Variants in CDYL2 observed in about 807,000 individuals in gnomAD.
CDYL2 encodes the protein chromodomain Y like 2, also known as chromodomain Y-like protein 2.
CDYL2 carries 23 observed loss-of-function variants against 49.4 expected under a neutral mutation model. That is an observed-to-expected ratio of 0.47 (90% CI 0.34 to 0.66). CDYL2 has a LOEUF of 0.66. Among genes scored for constraint, CDYL2 ranks in the 30% least tolerant of loss-of-function variants. The pLI is 0.01. For missense variants in CDYL2, 678 were observed against 656.4 expected (o/e 1.03, Z -0.36); for synonymous variants, 360 against 268.8 (o/e 1.34, Z -3.32).
chr16:80,634,511 G>A (rs1030657298), intron 2 of CDYL2, among the ~76,000 whole-genome samples: 5 of 152,096 alleles, frequency 3.3e-5, no homozygotes, highest in African/African-American at 1.2e-4. Flanking sequence ...TGGGGACATG[G>A]GTGAGAGATA....
At position 80,637,506 on chromosome 16, in the gene CDYL2, A is replaced by G. The variant is rs9930510; in HGVS notation, c.617-4270T>C. Among the ~76,000 whole-genome samples, 40 of 152,276 alleles carry G rather than the reference A, an allele frequency of 2.6e-4. No individual in the cohort carries two copies. In the South Asian group the frequency reaches 8.1e-3, roughly 31 times the overall value. On this transcript the variant is annotated intron_variant, in intron 2 of 6. Coordinates refer to ENST00000570137, the MANE Select transcript of CDYL2 (RefSeq NM_152342.4). ...AAGACTTGTCTACATAGAAAGTACG[A>G]AAGAACTGGATTAACGAAAAAAGAA...
intron 2 of CDYL2, among the ~76,000 whole-genome samples, chr16:80,678,149 A>G (rs1909831294): frequency 6.6e-6 from 1 of 152,258 alleles, no homozygotes; most frequent in African/African-American, 2.4e-5. Context: ...ACCTAAAACC[A>G]TAAAAACCCT....
Position 80,601,402 on chromosome 16 carries a change from G to T in CDYL2, c.*2986C>A, listed in dbSNP as rs1269883019. On this transcript the variant is annotated 3_prime_UTR_variant, in exon 7 of 7. Coordinates refer to ENST00000570137, the MANE Select transcript of CDYL2 (RefSeq NM_152342.4). Reference sequence around the variant, plus strand: ...TCTTTCAAACCCAAAGGTAATTGCAGGACGGGGCTGCCAAAATGAGCCGCA... The same window carrying T: ...TCTTTCAAACCCAAAGGTAATTGCATGACGGGGCTGCCAAAATGAGCCGCA... 1.3e-5 allele frequency: 2 copies of T among 152,200 alleles called. No individual in the cohort carries two copies. The highest frequency in any genetic ancestry group is 4.8e-5 in the African/African-American group (2 of 41,440). 9.4% of individuals were successfully genotyped at this position (152,200 alleles called of 1,614,324 possible).
chr16:80,701,230 C>A (rs541519173), intron 1 of CDYL2, among the ~76,000 whole-genome samples: 6 of 152,260 alleles, frequency 3.9e-5, no homozygotes, highest in African/African-American at 7.2e-5. Context: ...ACAGTATGAT[C>A]CCATTTATGT....
chr16:80,802,190 A>G (rs1907946606), intron 1 of CDYL2, among the ~76,000 whole-genome samples: 1 of 152,204 alleles, frequency 6.6e-6, no homozygotes, highest in Non-Finnish European at 1.5e-5. Context: ...AATTATCCCC[A>G]GAAGGTTCAT....
intron 3 of CDYL2, among the ~76,000 whole-genome samples, chr16:80,628,695 C>T (rs1301311991): frequency 6.6e-6 from 1 of 152,180 alleles, no homozygotes; most frequent in Non-Finnish European, 1.5e-5. Flanking sequence ...TAATACAATC[C>T]CACAAGAGCT....
At chr16:80,745,898 G>A (rs1905912138) in intron 1 of CDYL2, among the ~76,000 whole-genome samples, 1 of 152,118 alleles carries the variant, frequency 6.6e-6, no homozygotes, top group Admixed American at 6.5e-5. Flanking sequence ...TGACACCACT[G>A]GTTCACCCAC....
chr16:80,738,690 G>C (rs1381916569), intron 1 of CDYL2: 1 of 152,196 alleles, frequency 6.6e-6, no homozygotes. Flanking sequence ...ATTAACTGTG[G>C]TGATGTTGCA....
chr16:80,752,696 C>T (rs901051416), intron 1 of CDYL2, among the ~76,000 whole-genome samples: 1 of 152,176 alleles, frequency 6.6e-6, no homozygotes, highest in Non-Finnish European at 1.5e-5. Context: ...TGTCACCAAC[C>T]AGTGGTGTAC....
At chr16:80,733,903 C>G (rs938146125) in intron 1 of CDYL2, among the ~76,000 whole-genome samples, 7 of 152,240 alleles carry the variant, frequency 4.6e-5, no homozygotes, top group Admixed American at 6.5e-5. Context: ...TCTTTTTGCC[C>G]TCTTAAAACT....
chr16:80,659,017 G>C (rs1385281544), intron 2 of CDYL2, among the ~76,000 whole-genome samples: 1 of 152,104 alleles, frequency 6.6e-6, no homozygotes, highest in African/African-American at 2.4e-5. Flanking sequence ...GTCACATAAA[G>C]TAAGAATCCT....
At chr16:80,637,198 T>A (rs56680747) in intron 2 of CDYL2, among the ~76,000 whole-genome samples, 7,109 of 143,296 alleles carry the variant, frequency 0.05, 482 homozygotes, top group African/African-American at 0.17. Flanking sequence ...TAAAAAAAAA[T>A]CTTTTAGTTC....
chr16:80,804,242 CG>C lies in CDYL2; in HGVS notation c.-70del. On this transcript the variant is annotated 5_prime_UTR_variant, in exon 1 of 7. Coordinates refer to ENST00000570137, the MANE Select transcript of CDYL2 (RefSeq NM_152342.4). ...CTCGCGCCCTCCGTGCGTGTGCGCGCGGGGTCCGGTGTGCGCGTGTGTGTGC... is the reference window on the plus strand; with the variant it reads ...CTCGCGCCCTCCGTGCGTGTGCGCGCGGGTCCGGTGTGCGCGTGTGTGTGC... 8 of 1,301,528 alleles carry C rather than the reference CG, an allele frequency of 6.1e-6. No individual in the cohort carries two copies. The highest frequency in any genetic ancestry group is 4.1e-4 in the Middle Eastern group (2 of 4,836). 80.6% of individuals were successfully genotyped at this position (1,301,528 alleles called of 1,614,324 possible).
Position 80,600,071 on chromosome 16 carries a change from G to A in CDYL2, c.*4317C>T, listed in dbSNP as rs1173236584. On this transcript the variant is annotated 3_prime_UTR_variant, in exon 7 of 7. Transcript: ENST00000570137. ...AACTCCATCAACTGCCACACAGTGA[G>A]AATTTACGGGGAGATCTTAAACTAC... 3 of 152,344 alleles carry A rather than the reference G, an allele frequency of 2.0e-5. No individual in the cohort carries two copies. Among genetic ancestry groups the A allele is most frequent in the Non-Finnish European group, 2.9e-5 (2 of 68,028 alleles). The allele number at this position is 152,344 out of a possible 1,614,324, so 9.4% of individuals were successfully genotyped here.
Position 80,728,910 on chromosome 16 carries a change from T to C in CDYL2, c.25-43781A>G, listed in dbSNP as rs571425032. Among the ~76,000 whole-genome samples, 8 of 151,418 alleles carry C rather than the reference T, an allele frequency of 5.3e-5. No homozygotes were observed. In the East Asian group the frequency reaches 1.2e-3, roughly 22 times the overall value. Reference sequence around the variant, plus strand: ...ACAGACAAGCAAATGCTGAGAGATTTTGTCACCACCAGGCCTGCCCTAAAA... The same window carrying C: ...ACAGACAAGCAAATGCTGAGAGATTCTGTCACCACCAGGCCTGCCCTAAAA... On this transcript the variant is annotated intron_variant, in intron 1 of 6. Coordinates refer to ENST00000570137, the MANE Select transcript of CDYL2 (RefSeq NM_152342.4).
At chr16:80,760,340 T>C (rs1906482662) in intron 1 of CDYL2, among the ~76,000 whole-genome samples, 1 of 151,920 alleles carries the variant, frequency 6.6e-6, no homozygotes, top group African/African-American at 2.4e-5. Context: ...CTGTGAAGGG[T>C]AGTGGGGGGT....
intron 2 of CDYL2, among the ~76,000 whole-genome samples, chr16:80,633,870 G>C (rs11640763): frequency 6.6e-6 from 1 of 152,052 alleles, no homozygotes; most frequent in Non-Finnish European, 1.5e-5. Context: ...TGGCCTGAAA[G>C]TGCCCTCCTG....
At chr16:80,677,737 T>C (rs1909811815) in intron 2 of CDYL2, among the ~76,000 whole-genome samples, 1 of 145,638 alleles carries the variant, frequency 6.9e-6, no homozygotes, top group Admixed American at 6.8e-5. Flanking sequence ...AGACTCCATC[T>C]CAAAAAAATA....
At chr16:80,668,953 T>A (rs993149431) in intron 2 of CDYL2, among the ~76,000 whole-genome samples, 1 of 151,976 alleles carries the variant, frequency 6.6e-6, no homozygotes, top group African/African-American at 2.4e-5. Context: ...ATATTTTCCA[T>A]ACTGTTTGAA....
Sources: gnomAD v4.1 joint callset for allele counts (sites outside exome capture counted in the v4.1 genomes callset) on GRCh38, gnomAD v4.1.1 for gene constraint, MANE v1.5 for transcripts, NCBI Gene and HGNC (gene_info 2026-07-23, HGNC 2026-07-21) for gene names.